PIP5K1B: variants seen among roughly 807,000 people sequenced by gnomAD.
PIP5K1B encodes the protein phosphatidylinositol 4-phosphate 5-kinase type-1 beta.
A neutral mutation model predicts 67.0 loss-of-function variants in PIP5K1B; 42 were observed. That is an observed-to-expected ratio of 0.63 (90% CI 0.49 to 0.81). The LOEUF (loss-of-function observed/expected upper bound fraction) is 0.81. Among genes scored for constraint, PIP5K1B ranks in the 30% least tolerant of loss-of-function variants. The probability of loss-of-function intolerance (pLI) is 0.00; values close to 1 mark genes in which losing one functional copy is unlikely to be tolerated. For missense variants in PIP5K1B, 459 were observed against 646.3 expected (o/e 0.71, Z 3.14); for synonymous variants, 214 against 231.4 (o/e 0.92, Z 0.68).
At chr9:68,960,909 G>C (rs967264577) in intron 14 of PIP5K1B, among the ~76,000 whole-genome samples, 1 of 152,102 alleles carries the variant, frequency 6.6e-6, no homozygotes, top group African/African-American at 2.4e-5. Flanking sequence ...TTGTCTGTTC[G>C]TACTTAAAAG....
intron 8 of PIP5K1B, among the ~76,000 whole-genome samples, chr9:68,897,804 C>T (rs1188418510): frequency 6.6e-6 from 1 of 152,062 alleles, no homozygotes; most frequent in African/African-American, 2.4e-5. Context: ...CTTCTTGGCG[C>T]CCCCACCTCT....
At chr9:68,968,004 A>G (rs1244465154) in intron 14 of PIP5K1B, among the ~76,000 whole-genome samples, 1 of 152,190 alleles carries the variant, frequency 6.6e-6, no homozygotes, top group Non-Finnish European at 1.5e-5. Flanking sequence ...TGAGTGGGCA[A>G]AAAGTTCACT....
intron 2 of PIP5K1B, among the ~76,000 whole-genome samples, chr9:68,808,490 T>A (rs1312926953): frequency 6.6e-6 from 1 of 152,084 alleles, no homozygotes. Context: ...TTGCAGGACA[T>A]CATGCAGTAG....
At chr9:68,744,566 G>A (rs1829184585) in intron 2 of PIP5K1B, among the ~76,000 whole-genome samples, 1 of 152,226 alleles carries the variant, frequency 6.6e-6, no homozygotes, top group African/African-American at 2.4e-5. Context: ...TGCAGGGAGA[G>A]GGGGCTGTGG....
intron 2 of PIP5K1B, among the ~76,000 whole-genome samples, chr9:68,791,727 C>T (rs527688064): frequency 1.2e-4 from 19 of 152,170 alleles, no homozygotes; most frequent in East Asian, 1.2e-3. Context: ...TTCTCAAGGC[C>T]CCGTTTACCA....
intron 11 of PIP5K1B, among the ~76,000 whole-genome samples, chr9:68,921,678 C>T (rs1402443091): frequency 6.6e-6 from 1 of 151,996 alleles, no homozygotes; most frequent in Non-Finnish European, 1.5e-5. Flanking sequence ...TGGTGAAACC[C>T]TGTCTCTACT....
chr9:68,910,881 C>G (rs1825813217), intron 8 of PIP5K1B, among the ~76,000 whole-genome samples: 2 of 152,220 alleles, frequency 1.3e-5, no homozygotes, highest in Admixed American at 1.3e-4. Flanking sequence ...GTAAAGAGCT[C>G]CAGTTAGACT....
At chr9:68,824,360 T>G in intron 4 of PIP5K1B, 1 of 457,080 alleles carries the variant, frequency 2.2e-6, no homozygotes, top group Non-Finnish European at 4.3e-6. Context: ...GCCCAAGAAT[T>G]TATTTAGTCA....
intron 15 of PIP5K1B, 71 bp from the exon 16 acceptor site, chr9:69,008,376 G>A: frequency 7.2e-7 from 1 of 1,397,010 alleles, no homozygotes; most frequent in East Asian, 2.3e-5. Context: ...AACTTATGTT[G>A]CGACTCATGG....
Position 68,971,224 on chromosome 9 carries a change from TACGAGTGAGA to T in PIP5K1B, c.1503-19913_1503-19904del, listed in dbSNP as rs1186418083. On this transcript the variant is annotated intron_variant, in intron 14 of 15. Transcript: ENST00000265382. ...ATGTTCTCATTATTCAATTCCCACT[TACGAGTGAGA>T]ACATGCAGTGTTTGGTTTTCTGTTC... Among the ~76,000 whole-genome samples, 9 of 152,282 alleles carry T rather than the reference TACGAGTGAGA, an allele frequency of 5.9e-5. No homozygotes were observed. The East Asian group carries it at 9.6e-4, about 16-fold the overall frequency.
chr9:68,774,662 C>T (rs1314741187), intron 2 of PIP5K1B, among the ~76,000 whole-genome samples: 1 of 152,158 alleles, frequency 6.6e-6, no homozygotes, highest in Non-Finnish European at 1.5e-5. Flanking sequence ...TCAGTCAGTC[C>T]TAAGGGTAAC....
At chr9:68,885,466 A>G (rs925252849) in intron 6 of PIP5K1B, among the ~76,000 whole-genome samples, 1 of 152,242 alleles carries the variant, frequency 6.6e-6, no homozygotes, top group Non-Finnish European at 1.5e-5. Context: ...TATTCTCACC[A>G]CAAGGAAGTG....
chr9:68,872,327 G>A (rs1018090654), intron 5 of PIP5K1B, among the ~76,000 whole-genome samples: 1 of 152,168 alleles, frequency 6.6e-6, no homozygotes, highest in African/African-American at 2.4e-5. Flanking sequence ...ACAAATATCC[G>A]GGCCCAGCAG....
chr9:68,974,267 A>G (rs1829530977), intron 14 of PIP5K1B, among the ~76,000 whole-genome samples: 1 of 152,138 alleles, frequency 6.6e-6, no homozygotes. Context: ...CTGCTTTACC[A>G]TTTCTCTAAG....
At chr9:68,911,246 G>A (rs28375745) in intron 8 of PIP5K1B, among the ~76,000 whole-genome samples, 11,802 of 152,110 alleles carry the variant, frequency 0.078, 926 homozygotes, top group African/African-American at 0.2. Context: ...GGCGGCACAC[G>A]CCTGTAATCC....
intron 13 of PIP5K1B, among the ~76,000 whole-genome samples, chr9:68,936,763 A>G (rs556300316): frequency 1.3e-5 from 2 of 152,268 alleles, no homozygotes; most frequent in Admixed American, 6.5e-5. Flanking sequence ...GGTGTCTCCA[A>G]TTCCTAGCAG....
intron 8 of PIP5K1B, among the ~76,000 whole-genome samples, chr9:68,905,374 G>T (rs1027827940): frequency 6.6e-6 from 1 of 152,142 alleles, no homozygotes; most frequent in Non-Finnish European, 1.5e-5. Context: ...GGATTCTGAC[G>T]TAAGCCAGTC....
intron 8 of PIP5K1B, among the ~76,000 whole-genome samples, chr9:68,896,074 G>T (rs149550601): frequency 6.6e-6 from 1 of 152,104 alleles, no homozygotes; most frequent in Non-Finnish European, 1.5e-5. Context: ...AACAAAAAAC[G>T]TCCAGCAGAT....
At chr9:68,935,327 G>T (rs1431005124) in intron 13 of PIP5K1B, among the ~76,000 whole-genome samples, 2 of 152,048 alleles carry the variant, frequency 1.3e-5, no homozygotes, top group Admixed American at 1.3e-4. Flanking sequence ...AATTAGTCAG[G>T]CGTGATAGCG....
Sources: allele counts gnomAD v4.1 joint callset (sites outside exome capture counted in the v4.1 genomes callset), GRCh38; gene constraint gnomAD v4.1.1; transcripts MANE v1.5; gene names NCBI Gene and HGNC (gene_info 2026-07-23, HGNC 2026-07-21).